MEGF11: variants seen among roughly 807,000 people sequenced by gnomAD.
The protein encoded by MEGF11 is multiple EGF like domains 11.
In MEGF11, 126 loss-of-function variants were observed where a neutral mutation model predicts 146.6. The ratio of observed to expected loss-of-function variants is 0.86; its 90% CI spans 0.74 to 1.00. The LOEUF (loss-of-function observed/expected upper bound fraction) is 1.00, where lower values mean the gene tolerates loss of function less well. MEGF11 is among the 50% of genes least tolerant of loss of function. The probability of loss-of-function intolerance (pLI) is 0.00; values close to 1 mark genes in which losing one functional copy is unlikely to be tolerated. For missense variants in MEGF11, 1,509 were observed against 1,521.2 expected, an observed-to-expected ratio of 0.99 and a Z score of 0.13; for synonymous variants, 532 against 583.4, an observed-to-expected ratio of 0.91 and a Z score of 1.27.
intron 24 of MEGF11, chr15:65,901,776 A>T (rs1056604500): frequency 2.0e-5 from 3 of 152,208 alleles, no homozygotes; most frequent in Non-Finnish European, 2.9e-5. Context: ...TTTATGTAGC[A>T]CGTATAGTCT....
intron 5 of MEGF11, among the ~76,000 whole-genome samples, chr15:66,027,069 C>A (rs12911707): frequency 0.21 from 32,372 of 152,138 alleles, 4,024 homozygotes; most frequent in East Asian, 0.51. Flanking sequence ...CACTCCCAGT[C>A]CTGAAATCCA....
chr15:66,090,815 G>C (rs955000941), intron 5 of MEGF11, among the ~76,000 whole-genome samples: 13 of 152,176 alleles, frequency 8.5e-5, no homozygotes, highest in African/African-American at 2.7e-4. Flanking sequence ...GAAAATGAGT[G>C]CATGACATAA....
intron 7 of MEGF11, among the ~76,000 whole-genome samples, chr15:65,973,288 G>A (rs1047472812): frequency 6.6e-6 from 1 of 152,130 alleles, no homozygotes; most frequent in African/African-American, 2.4e-5. Flanking sequence ...AGTTCAGACT[G>A]GAACAGAAGA....
intron 1 of MEGF11, among the ~76,000 whole-genome samples, chr15:66,135,547 A>C (rs995797449): frequency 1.3e-5 from 2 of 152,164 alleles, no homozygotes; most frequent in African/African-American, 4.8e-5. Context: ...CCCTGCAGGA[A>C]GAGGCCTCTC....
intron 10 of MEGF11, among the ~76,000 whole-genome samples, chr15:65,935,940 C>T (rs1490973118): frequency 6.6e-6 from 1 of 152,188 alleles, no homozygotes; most frequent in Non-Finnish European, 1.5e-5. Context: ...GCAAGCCAAT[C>T]ACGAGCCTAT....
intron 10 of MEGF11, among the ~76,000 whole-genome samples, chr15:65,947,252 G>A (rs568901819): frequency 5.1e-4 from 78 of 152,256 alleles, no homozygotes; most frequent in Middle Eastern, 3.4e-3. Context: ...CTAAGGGAGA[G>A]GTGGCTGGGA....
chr15:65,929,694 C>A (rs1389980144), intron 12 of MEGF11, 26 bp downstream of exon 12: 2 of 1,543,600 alleles, frequency 1.3e-6, no homozygotes, highest in African/African-American at 2.7e-5. Flanking sequence ...GGAGCCCAAC[C>A]TGTCCCTCCC....
intron 5 of MEGF11, among the ~76,000 whole-genome samples, chr15:66,048,439 C>T (rs924809900): frequency 6.6e-6 from 1 of 152,254 alleles, no homozygotes; most frequent in African/African-American, 2.4e-5. Context: ...TGGATTTCAA[C>T]AAGGGACAGA....
chr15:66,229,315 C>G (rs1046839183), intron 1 of MEGF11, among the ~76,000 whole-genome samples: 1 of 151,974 alleles, frequency 6.6e-6, no homozygotes, highest in Admixed American at 6.6e-5. Context: ...GCAGGACTGT[C>G]CACAAGCCCC....
intron 24 of MEGF11, chr15:65,905,130 T>TCAA (rs2078588083): frequency 6.6e-6 from 1 of 152,272 alleles, no homozygotes. Flanking sequence ...TGACCTTAAG[T>TCAA]GATCCACCTG....
At chr15:65,940,559 G>T (rs747951629) in intron 10 of MEGF11, among the ~76,000 whole-genome samples, 1 of 152,234 alleles carries the variant, frequency 6.6e-6, no homozygotes, top group East Asian at 1.9e-4. Context: ...AGCAAACCTC[G>T]CTGGACCTAA....
At chr15:66,161,201 G>A (rs1057168630) in intron 1 of MEGF11, among the ~76,000 whole-genome samples, 2 of 152,162 alleles carry the variant, frequency 1.3e-5, no homozygotes, top group African/African-American at 4.8e-5. Context: ...TTGACAGGCC[G>A]GAGCAATGTA....
At chr15:66,014,123 G>A (rs535792591) in intron 5 of MEGF11, among the ~76,000 whole-genome samples, 34 of 152,304 alleles carry the variant, frequency 2.2e-4, no homozygotes, top group African/African-American at 7.9e-4. Context: ...AGGAGACCTG[G>A]AACAAAGGCA....
At chr15:65,906,235 C>CA in intron 23 of MEGF11, 94 bp from the exon 24 acceptor site, 1 of 863,152 alleles carries the variant, frequency 1.2e-6, no homozygotes, top group East Asian at 2.7e-5. Flanking sequence ...TTTCCCCCCC[C>CA]TTCTCCCCTA....
intron 5 of MEGF11, among the ~76,000 whole-genome samples, chr15:66,091,730 A>G (rs1407963269): frequency 2.0e-5 from 3 of 152,260 alleles, no homozygotes; most frequent in East Asian, 1.9e-4. Context: ...TATCTCCACT[A>G]TCATTTTTCC....
At chr15:66,025,525 C>T (rs2083298071) in intron 5 of MEGF11, among the ~76,000 whole-genome samples, 1 of 152,104 alleles carries the variant, frequency 6.6e-6, no homozygotes. Context: ...GACTTTTGCT[C>T]AAGTCCTAGG....
chr15:66,059,750 C>T (rs1413070082), intron 5 of MEGF11, among the ~76,000 whole-genome samples: 1 of 152,196 alleles, frequency 6.6e-6, no homozygotes, highest in Non-Finnish European at 1.5e-5. Flanking sequence ...CCCAGAACCC[C>T]AGGGACTCCC....
At chr15:65,988,684 G>T (rs913297178) in intron 5 of MEGF11, among the ~76,000 whole-genome samples, 2 of 152,136 alleles carry the variant, frequency 1.3e-5, no homozygotes, top group Non-Finnish European at 2.9e-5. Flanking sequence ...TAATGCGGCC[G>T]ACCATTACTT....
At chr15:66,090,829 T>G (rs2086291092) in intron 5 of MEGF11, among the ~76,000 whole-genome samples, 1 of 152,228 alleles carries the variant, frequency 6.6e-6, no homozygotes, top group African/African-American at 2.4e-5. Context: ...GACATAAAGT[T>G]AAATTTAAAC....
Sources: gnomAD v4.1 joint callset for allele counts (sites outside exome capture counted in the v4.1 genomes callset) on GRCh38, gnomAD v4.1.1 for gene constraint, MANE v1.5 for transcripts, NCBI Gene and HGNC (gene_info 2026-07-23, HGNC 2026-07-21) for gene names.